The following ATG10 variants were observed in gnomAD, a reference collection of about 807,000 sequenced individuals.
ATG10 encodes ubiquitin-like-conjugating enzyme ATG10.
A neutral mutation model predicts 32.1 loss-of-function variants in ATG10; 30 were observed. The ratio of observed to expected loss-of-function variants is 0.94; its 90% CI spans 0.70 to 1.27. The LOEUF is 1.27. ATG10 is among the 50% of genes most tolerant of loss of function. The pLI is 0.00. For missense variants in ATG10, 233 were observed against 262.3 expected, an observed-to-expected ratio of 0.89 and a Z score of 0.77; for synonymous variants, 87 against 91.5, an observed-to-expected ratio of 0.95 and a Z score of 0.28.
At chr5:82,116,481 C>G (rs324905) in intron 3 of ATG10, among the ~76,000 whole-genome samples, 3 of 152,070 alleles carry the variant, frequency 2.0e-5, no homozygotes, top group African/African-American at 2.4e-5. Flanking sequence ...GAATTTCTCC[C>G]ATCAGTAAAT....
chr5:81,984,233 C>T (rs908142449), intron 1 of ATG10, among the ~76,000 whole-genome samples: 25 of 152,318 alleles, frequency 1.6e-4, no homozygotes, highest in Middle Eastern at 3.4e-3. Flanking sequence ...GAGACCAGCC[C>T]GGCCAACACA....
At chr5:82,189,493 TGA>T (rs1053890079) in intron 5 of ATG10, among the ~76,000 whole-genome samples, 1 of 152,248 alleles carries the variant, frequency 6.6e-6, no homozygotes, top group African/African-American at 2.4e-5. Context: ...TGTAGTTGTG[TGA>T]GAGTGTTACA....
chr5:82,169,108 G>A (rs949878582), intron 4 of ATG10, among the ~76,000 whole-genome samples: 2 of 152,030 alleles, frequency 1.3e-5, no homozygotes, highest in Admixed American at 6.6e-5. Context: ...TTGGAGTAGG[G>A]GCTAACTTAG....
intron 3 of ATG10, among the ~76,000 whole-genome samples, chr5:82,109,024 C>T (rs565643020): frequency 2.6e-5 from 4 of 151,990 alleles, no homozygotes; most frequent in South Asian, 2.1e-4. Context: ...ACTTGAGAAT[C>T]GATGATATAT....
chr5:82,012,387 C>T (rs1260658519), intron 2 of ATG10, among the ~76,000 whole-genome samples: 1 of 152,166 alleles, frequency 6.6e-6, no homozygotes, highest in African/African-American at 2.4e-5. Flanking sequence ...CTCATTTGAG[C>T]ATCTTTTCAT....
intron 3 of ATG10, among the ~76,000 whole-genome samples, chr5:82,139,451 G>A (rs944722720): frequency 4.4e-5 from 6 of 137,916 alleles, no homozygotes; most frequent in East Asian, 4.5e-4. Flanking sequence ...GTCTCTGCCC[G>A]GCCGCCCATC....
intron 1 of ATG10, among the ~76,000 whole-genome samples, chr5:81,980,314 G>A: frequency 6.6e-6 from 1 of 152,102 alleles, no homozygotes; most frequent in East Asian, 1.9e-4. Context: ...CCCTCTTCCT[G>A]TTTATGGTAG....
At chr5:82,170,896 G>C (rs1452267484) in intron 4 of ATG10, among the ~76,000 whole-genome samples, 1 of 152,038 alleles carries the variant, frequency 6.6e-6, no homozygotes, top group Non-Finnish European at 1.5e-5. Flanking sequence ...GCAGTGAGCC[G>C]AGATCACGCC....
At chr5:82,149,363 A>T (rs1203103832) in intron 3 of ATG10, among the ~76,000 whole-genome samples, 1 of 149,710 alleles carries the variant, frequency 6.7e-6, no homozygotes, top group Non-Finnish European at 1.5e-5. Flanking sequence ...TTCCAAATAG[A>T]TTATTTACAC....
At chr5:82,228,181 G>T (rs1438303605) in intron 5 of ATG10, among the ~76,000 whole-genome samples, 1 of 151,026 alleles carries the variant, frequency 6.6e-6, no homozygotes, top group Non-Finnish European at 1.5e-5. Context: ...CTGCACTGCA[G>T]CCTGGGCAAC....
intron 4 of ATG10, among the ~76,000 whole-genome samples, chr5:82,171,819 A>C (rs1743819366): frequency 6.6e-6 from 1 of 152,232 alleles, no homozygotes; most frequent in African/African-American, 2.4e-5. Context: ...TTGAACTTTC[A>C]TCTGTTCATT....
At chr5:82,217,810 CAA>C (rs869258898) in intron 5 of ATG10, among the ~76,000 whole-genome samples, 23 of 128,026 alleles carry the variant, frequency 1.8e-4, no homozygotes, top group Non-Finnish European at 1.5e-4. Flanking sequence ...CCCTCTCTAC[CAA>C]AAAAAAAAAA....
At chr5:81,975,900 G>A (rs1412491283) in intron 1 of ATG10, among the ~76,000 whole-genome samples, 5 of 151,786 alleles carry the variant, frequency 3.3e-5, no homozygotes, top group Admixed American at 6.6e-5. Context: ...AGAGAATCAA[G>A]ATCATAAAAA....
intron 5 of ATG10, among the ~76,000 whole-genome samples, chr5:82,220,311 G>A (rs1745864091): frequency 6.6e-6 from 1 of 151,892 alleles, no homozygotes; most frequent in Admixed American, 6.6e-5. Context: ...CACCCAGGCT[G>A]GAGTGCAGTG....
intron 5 of ATG10, among the ~76,000 whole-genome samples, chr5:82,218,093 C>T (rs1460855609): frequency 6.4e-5 from 7 of 109,202 alleles, no homozygotes; most frequent in South Asian, 3.4e-4. Context: ...ACACATCACA[C>T]GTACAGGAAT....
intron 3 of ATG10, among the ~76,000 whole-genome samples, chr5:82,159,036 T>C (rs1008049372): frequency 1.3e-5 from 2 of 152,168 alleles, no homozygotes; most frequent in Non-Finnish European, 2.9e-5. Flanking sequence ...AGATTAACAG[T>C]TTCTTTTTGG....
chr5:82,085,800 T>G (rs951351554), intron 3 of ATG10, among the ~76,000 whole-genome samples: 14 of 152,164 alleles, frequency 9.2e-5, no homozygotes, highest in African/African-American at 2.7e-4. Context: ...AGAGGAGGTT[T>G]TTCTATTTTT....
chr5:82,105,993 GT>G (rs1253952813), intron 3 of ATG10, among the ~76,000 whole-genome samples: 1 of 152,028 alleles, frequency 6.6e-6, no homozygotes, highest in East Asian at 1.9e-4. Flanking sequence ...GTTATACATT[GT>G]TTGAAAGTAA....
intron 3 of ATG10, among the ~76,000 whole-genome samples, chr5:82,079,516 A>ACCT (rs1561287488): frequency 1.3e-5 from 2 of 151,668 alleles, no homozygotes; most frequent in African/African-American, 4.8e-5. Flanking sequence ...TCCCTCCCCA[A>ACCT]TCCCCCACCC....
Sources: allele counts gnomAD v4.1 joint callset (sites outside exome capture counted in the v4.1 genomes callset), GRCh38; gene constraint gnomAD v4.1.1; transcripts MANE v1.5; gene names NCBI Gene and HGNC (gene_info 2026-07-23, HGNC 2026-07-21).